CSMD1: variants seen among roughly 807,000 people sequenced by gnomAD.
The protein encoded by CSMD1 is CUB and Sushi multiple domains 1, also known as CUB and sushi domain-containing protein 1.
Under a neutral mutation model 417.5 loss-of-function variants are expected in CSMD1, and 213 were observed. That is an observed-to-expected ratio of 0.51 (90% confidence interval 0.46 to 0.57). The LOEUF (loss-of-function observed/expected upper bound fraction) is 0.57, where lower values mean the gene tolerates loss of function less well. Ranked by LOEUF, CSMD1 falls within the 20% of genes least tolerant of loss-of-function variation. The probability of loss-of-function intolerance (pLI) is 0.00; values close to 1 mark genes in which losing one functional copy is unlikely to be tolerated. For missense variants in CSMD1, 6,923 were observed against 4,529.7 expected (o/e 1.53, Z -15.17); for synonymous variants, 2,862 against 1,736.8 (o/e 1.65, Z -16.11).
chr8:4,720,064 C>A (rs1218970465), intron 1 of CSMD1, among the ~76,000 whole-genome samples: 1 of 151,836 alleles, frequency 6.6e-6, no homozygotes, highest in Admixed American at 6.6e-5. Context: ...TGTGGTGAGG[C>A]TTTTTCTAAA....
At position 3,873,460 on chromosome 8, in the gene CSMD1, A is replaced by C. The variant is rs1369496863; in HGVS notation, c.819-119418T>G. Among the ~76,000 whole-genome samples, 5 of 152,228 alleles carry C rather than the reference A, an allele frequency of 3.3e-5. No individual in the cohort carries two copies. In the South Asian group the frequency reaches 8.3e-4, roughly 25 times the overall value. On this transcript the variant is annotated intron_variant, in intron 5 of 69. Transcript: ENST00000635120. ...TAGCAAACTAACACAGCAACAGAAAACCAAATACCACACGTTCTACCTTCT... is the reference window on the plus strand; with the variant it reads ...TAGCAAACTAACACAGCAACAGAAACCCAAATACCACACGTTCTACCTTCT...
At chr8:4,168,986 T>C (rs1425989245) in intron 3 of CSMD1, among the ~76,000 whole-genome samples, 2 of 152,130 alleles carry the variant, frequency 1.3e-5, no homozygotes, top group Admixed American at 6.5e-5. Flanking sequence ...TCTCCTCATT[T>C]TCCTACTATC....
intron 2 of CSMD1, among the ~76,000 whole-genome samples, chr8:4,520,643 C>G (rs1803395193): frequency 6.6e-6 from 1 of 152,138 alleles, no homozygotes; most frequent in African/African-American, 2.4e-5. Context: ...TTATTTCCCC[C>G]TACTAGCAAT....
chr8:3,123,954 G>C (rs928292046), intron 41 of CSMD1, among the ~76,000 whole-genome samples: 1 of 152,206 alleles, frequency 6.6e-6, no homozygotes, highest in African/African-American at 2.4e-5. Flanking sequence ...GGTAAAACTA[G>C]TGTTGAAGGC....
chr8:4,316,557 A>C (rs1258661139), intron 3 of CSMD1, among the ~76,000 whole-genome samples: 1 of 152,130 alleles, frequency 6.6e-6, no homozygotes, highest in Non-Finnish European at 1.5e-5. Context: ...ATATATAATT[A>C]ATAACTTTCC....
intron 2 of CSMD1, among the ~76,000 whole-genome samples, chr8:4,441,083 G>C (rs960595062): frequency 1.0e-4 from 5 of 49,428 alleles, no homozygotes; most frequent in Non-Finnish European, 1.8e-4. Context: ...AATTTGACTC[G>C]TTAATCAAAA....
intron 11 of CSMD1, among the ~76,000 whole-genome samples, chr8:3,481,649 C>G (rs1424025053): frequency 6.6e-6 from 1 of 152,148 alleles, no homozygotes; most frequent in African/African-American, 2.4e-5. Flanking sequence ...GCCCTAAATG[C>G]CACCACTAGT....
At chr8:3,668,933 G>C (rs1055612642) in intron 7 of CSMD1, among the ~76,000 whole-genome samples, 8 of 152,174 alleles carry the variant, frequency 5.3e-5, no homozygotes, top group Admixed American at 3.3e-4. Context: ...TCTTTGAGAG[G>C]CGTGACAGAA....
intron 3 of CSMD1, among the ~76,000 whole-genome samples, chr8:4,297,393 A>C (rs1053909456): frequency 1.3e-5 from 2 of 152,126 alleles, no homozygotes; most frequent in Admixed American, 6.6e-5. Context: ...ACTGTAATTC[A>C]TTTTTATTGA....
At chr8:3,922,527 A>T (rs1169066941) in intron 5 of CSMD1, among the ~76,000 whole-genome samples, 2 of 151,780 alleles carry the variant, frequency 1.3e-5, no homozygotes, top group Non-Finnish European at 2.9e-5. Flanking sequence ...TTTTCTATTT[A>T]TTTTTTGTAT....
intron 3 of CSMD1, among the ~76,000 whole-genome samples, chr8:4,033,768 C>G (rs1797478342): frequency 6.6e-6 from 1 of 152,106 alleles, no homozygotes; most frequent in Non-Finnish European, 1.5e-5. Context: ...CTTTTTGGTC[C>G]TCTCACTTTT....
chr8:3,839,048 A>G (rs1464610635), intron 5 of CSMD1, among the ~76,000 whole-genome samples: 2 of 127,938 alleles, frequency 1.6e-5, no homozygotes, highest in Non-Finnish European at 3.1e-5. Flanking sequence ...TTATATATAT[A>G]AAATATATAG....
intron 2 of CSMD1, among the ~76,000 whole-genome samples, chr8:4,616,492 C>G (rs1470322648): frequency 1.3e-5 from 2 of 152,158 alleles, no homozygotes; most frequent in Non-Finnish European, 2.9e-5. Context: ...ATCTCCTGCT[C>G]ACTCTCTCTA....
intron 1 of CSMD1, among the ~76,000 whole-genome samples, chr8:4,757,403 A>G (rs1585050776): frequency 1.3e-5 from 2 of 152,322 alleles, no homozygotes; most frequent in South Asian, 4.1e-4. Context: ...TCGTTCATCT[A>G]TACAATAGTC....
In CSMD1 at chr8:4,005,649, T is replaced by G. The variant is rs570752442; in HGVS notation, c.611-7539A>C. ...TTGAGAGAACATAGGGTGTCTCCCA[T>G]GGATACTATATTTGGTGCTTTCTTC... On this transcript the variant is annotated intron_variant, in intron 4 of 69. Transcript: ENST00000635120. Among the ~76,000 whole-genome samples, 237 of 152,356 alleles carry G rather than the reference T, an allele frequency of 1.6e-3. 1 individual carries two copies. The highest frequency in any genetic ancestry group is 3.4e-3 in the Middle Eastern group (1 of 294).
chr8:4,518,088 C>G (rs1484739920), intron 2 of CSMD1, among the ~76,000 whole-genome samples: 1 of 152,082 alleles, frequency 6.6e-6, no homozygotes, highest in Non-Finnish European at 1.5e-5. Context: ...CTAATATCAT[C>G]CAAAAATCTA....
chr8:4,076,789 C>A (rs1339620912), intron 3 of CSMD1, among the ~76,000 whole-genome samples: 5 of 152,156 alleles, frequency 3.3e-5, no homozygotes, highest in African/African-American at 1.2e-4. Flanking sequence ...ACAACCATAT[C>A]AGAGTATACA....
intron 11 of CSMD1, among the ~76,000 whole-genome samples, chr8:3,479,910 C>G (rs1055288651): frequency 6.6e-6 from 1 of 151,682 alleles, no homozygotes; most frequent in African/African-American, 2.4e-5. Context: ...TAAAAATGAA[C>G]TAAAAGGAAA....
At chr8:3,747,806 TG>T (rs1377222285) in intron 6 of CSMD1, among the ~76,000 whole-genome samples, 1 of 152,202 alleles carries the variant, frequency 6.6e-6, no homozygotes, top group Admixed American at 6.5e-5. Context: ...GTCATTGTTT[TG>T]TTCTTTATGT....
Sources: gnomAD v4.1 joint callset for allele counts (sites outside exome capture counted in the v4.1 genomes callset) on GRCh38, gnomAD v4.1.1 for gene constraint, MANE v1.5 for transcripts, NCBI Gene and HGNC (gene_info 2026-07-23, HGNC 2026-07-21) for gene names.